Variants in POLR1D observed in about 807,000 individuals in gnomAD.
The protein encoded by POLR1D is DNA-directed RNA polymerases I and III subunit RPAC2.
A neutral mutation model predicts 10.8 loss-of-function variants in POLR1D; 8 were observed. The ratio of observed to expected loss-of-function variants is 0.74; its 90% CI spans 0.43 to 1.33. The LOEUF (loss-of-function observed/expected upper bound fraction) is 1.33. Among genes scored for constraint, POLR1D ranks in the 40% most tolerant of loss-of-function variants. The probability of loss-of-function intolerance (pLI) is 0.01; values close to 1 mark genes in which losing one functional copy is unlikely to be tolerated. For missense variants in POLR1D, 152 were observed against 161.7 expected (o/e 0.94, Z 0.32); for synonymous variants, 54 against 57.2 (o/e 0.94, Z 0.25).
chr13:27,628,671 ATC>A (rs1242103792), intron 1 of POLR1D, among the ~76,000 whole-genome samples: 1 of 152,196 alleles, frequency 6.6e-6, no homozygotes, highest in African/African-American at 2.4e-5. Context: ...AATTTATATC[ATC>A]TGTTTTTAAT....
chr13:27,646,459 G>C (rs186237433), intron 1 of POLR1D, among the ~76,000 whole-genome samples: 1 of 152,196 alleles, frequency 6.6e-6, no homozygotes, highest in Non-Finnish European at 1.5e-5. Flanking sequence ...GTGGTCATCA[G>C]ATGAACTTAC....
At chr13:27,664,483 G>GTT (rs961503795) in intron 2 of POLR1D, 2 of 152,084 alleles carry the variant, frequency 1.3e-5, no homozygotes, top group African/African-American at 4.8e-5. Context: ...TCATTCCTTT[G>GTT]TCACTTTTCT....
chr13:27,636,777 C>G (rs1956128544), intron 1 of POLR1D, among the ~76,000 whole-genome samples: 1 of 152,114 alleles, frequency 6.6e-6, no homozygotes, highest in African/African-American at 2.4e-5. Context: ...AATTGGGTAC[C>G]TATTCTATTT....
chr13:27,651,412 A>G (rs1330194717), intron 2 of POLR1D: 2 of 152,172 alleles, frequency 1.3e-5, no homozygotes, highest in East Asian at 3.8e-4. Context: ...AATTGAGGGT[A>G]TTTGATGATA....
At chr13:27,660,068 A>G (rs1956349300) in intron 2 of POLR1D, among the ~76,000 whole-genome samples, 1 of 152,188 alleles carries the variant, frequency 6.6e-6, no homozygotes, top group African/African-American at 2.4e-5. Context: ...TTAAGGGTTA[A>G]CAGCTTACTA....
intron 1 of POLR1D, among the ~76,000 whole-genome samples, chr13:27,643,922 A>G (rs1192791835): frequency 2.0e-5 from 3 of 152,340 alleles, no homozygotes; most frequent in East Asian, 3.9e-4. Flanking sequence ...AGAAGAGAGT[A>G]GTCTTATTAA....
downstream of POLR1D, among the ~76,000 whole-genome samples, chr13:27,626,140 G>C (rs557324801): frequency 6.6e-6 from 1 of 152,314 alleles, no homozygotes; most frequent in African/African-American, 2.4e-5. Flanking sequence ...TGTGGAAAAG[G>C]ATTAAAAACT....
downstream of POLR1D, among the ~76,000 whole-genome samples, chr13:27,625,292 G>T (rs117937851): frequency 0.035 from 5,372 of 152,250 alleles, 106 homozygotes; most frequent in Non-Finnish European, 0.043. Context: ...ATTATAGGGA[G>T]GCTGGAGTAG....
downstream of POLR1D, among the ~76,000 whole-genome samples, chr13:27,623,674 CA>C (rs1340309247): frequency 6.9e-6 from 1 of 145,504 alleles, no homozygotes; most frequent in African/African-American, 2.5e-5. Context: ...TGTTTAAAAA[CA>C]GAAGGAAAGA....
intron 2 of POLR1D, chr13:27,664,691 G>A (rs1455863492): frequency 6.6e-6 from 1 of 152,202 alleles, no homozygotes; most frequent in African/African-American, 2.4e-5. Context: ...TACAGTACTA[G>A]TCCACACAAT....
chr13:27,629,349 A>G (rs1246826425), intron 1 of POLR1D, among the ~76,000 whole-genome samples: 1 of 152,218 alleles, frequency 6.6e-6, no homozygotes, highest in Non-Finnish European at 1.5e-5. Context: ...TTGGGATAAC[A>G]ATAATACCAT....
chr13:27,637,909 G>T (rs947057475), intron 1 of POLR1D, among the ~76,000 whole-genome samples: 3 of 152,022 alleles, frequency 2.0e-5, no homozygotes, highest in African/African-American at 7.2e-5. Flanking sequence ...GGGACTACAA[G>T]CATGTGCCAC....
upstream of POLR1D, chr13:27,621,763 C>A: frequency 5.3e-6 from 2 of 380,322 alleles, no homozygotes; most frequent in Non-Finnish European, 9.3e-6. Flanking sequence ...GGGCCGCGAG[C>A]CACCGCTCAC....
At chr13:27,633,819 A>G (rs1018524427) in intron 1 of POLR1D, among the ~76,000 whole-genome samples, 2 of 152,224 alleles carry the variant, frequency 1.3e-5, no homozygotes, top group African/African-American at 4.8e-5. Flanking sequence ...TTTGTTCTGC[A>G]TACTTAAACA....
chr13:27,665,751 C>T, exon 3 of POLR1D: 2 of 1,613,166 alleles, frequency 1.2e-6, no homozygotes, highest in South Asian at 2.2e-5. Context: ...AACACATTGC[C>T]CTCTCATAAA....
At chr13:27,662,201 A>C (rs1258409688) in intron 2 of POLR1D, among the ~76,000 whole-genome samples, 1 of 152,180 alleles carries the variant, frequency 6.6e-6, no homozygotes, top group Non-Finnish European at 1.5e-5. Context: ...CGGATGTATT[A>C]GCCTATTTGA....
intron 1 of POLR1D, among the ~76,000 whole-genome samples, chr13:27,646,997 ACT>A (rs1232647326): frequency 1.3e-5 from 2 of 152,034 alleles, no homozygotes; most frequent in East Asian, 1.9e-4. Context: ...TTTAATATAG[ACT>A]CTATATAATT....
intron 2 of POLR1D, chr13:27,665,617 A>C: frequency 1.4e-6 from 2 of 1,422,234 alleles, no homozygotes; most frequent in Non-Finnish European, 2.0e-6. Context: ...ACTAATCACG[A>C]TAGTGGGTCC....
At chr13:27,644,012 G>A (rs1324638422) in intron 1 of POLR1D, among the ~76,000 whole-genome samples, 3 of 152,130 alleles carry the variant, frequency 2.0e-5, no homozygotes, top group African/African-American at 7.2e-5. Context: ...CTGATCAAAG[G>A]TGACTTTTAA....
Sources: allele counts gnomAD v4.1 joint callset (sites outside exome capture counted in the v4.1 genomes callset), GRCh38; gene constraint gnomAD v4.1.1; transcripts MANE v1.5; gene names NCBI Gene and HGNC (gene_info 2026-07-23, HGNC 2026-07-21).